RALGPS1: variants seen among roughly 807,000 people sequenced by gnomAD.
RALGPS1 encodes ras-specific guanine nucleotide-releasing factor RalGPS1.
RALGPS1 carries 19 observed loss-of-function variants against 78.8 expected under a neutral mutation model. The observed-to-expected ratio is 0.24, with a 90% CI of 0.17 to 0.35. The LOEUF is 0.35. Among genes scored for constraint, RALGPS1 ranks in the 10% least tolerant of loss-of-function variants. The pLI, the probability that RALGPS1 is intolerant of heterozygous loss-of-function variation, is 1.00. For synonymous variants in RALGPS1, 228 were observed against 256.3 expected (o/e 0.89, Z 1.06); for missense variants, 454 against 688.3 (o/e 0.66, Z 3.81).
At chr9:127,015,071 T>C (rs1276122638) in intron 4 of RALGPS1, among the ~76,000 whole-genome samples, 1 of 152,234 alleles carries the variant, frequency 6.6e-6, no homozygotes, top group Non-Finnish European at 1.5e-5. Flanking sequence ...CTTATAGTTC[T>C]CTTCCTTCCC....
intron 4 of RALGPS1, among the ~76,000 whole-genome samples, chr9:127,023,762 G>A (rs1238962339): frequency 2.0e-5 from 3 of 152,192 alleles, no homozygotes; most frequent in East Asian, 1.9e-4. Context: ...AGGGCTGGGC[G>A]CGGTGGCTCA....
intron 1 of RALGPS1, among the ~76,000 whole-genome samples, chr9:126,961,415 G>T (rs985796548): frequency 4.6e-5 from 7 of 152,186 alleles, no homozygotes; most frequent in Admixed American, 3.9e-4. Flanking sequence ...ACTATATGGG[G>T]TTAGCTATTA....
chr9:126,923,188 T>G (rs1476112321), intron 1 of RALGPS1, among the ~76,000 whole-genome samples: 1 of 152,244 alleles, frequency 6.6e-6, no homozygotes, highest in African/African-American at 2.4e-5. Context: ...ATCTCAACCC[T>G]TTACAACACT....
At position 127,212,501 on chromosome 9, in the gene RALGPS1, G is replaced by A. The variant is rs550679754; in HGVS notation, c.1354-126G>A. On this transcript the variant is annotated intron_variant, in intron 15 of 18. Transcript: ENST00000259351. The surrounding 1 kb of genome is among the most constrained non-coding windows in gnomAD (Gnocchi z 6.0). ...TGGAAGTTGGCATTGCCAGGGGGTG[G>A]TGGAGGGCCAGGGAAGAGATGGGGC... The A allele has an allele frequency of 2.1e-5, 15 of 709,616 alleles. No homozygotes were observed. The highest frequency in any genetic ancestry group is 1.8e-4 in the Admixed American group (6 of 33,462). 44.0% of individuals were successfully genotyped at this position (709,616 alleles called of 1,614,324 possible). A position where few individuals can be genotyped will look rare whatever the true frequency, so the allele number is the denominator to read the frequency against.
intron 8 of RALGPS1, chr9:127,108,042 G>A (rs2054394334): frequency 1.2e-6 from 2 of 1,610,692 alleles, no homozygotes; most frequent in African/African-American, 1.3e-5. Context: ...TGATGCGGTT[G>A]TAGGTGGGTG....
At chr9:126,916,922 T>C (rs1348543234) in intron 1 of RALGPS1, among the ~76,000 whole-genome samples, 1 of 152,202 alleles carries the variant, frequency 6.6e-6, no homozygotes, top group Non-Finnish European at 1.5e-5. Context: ...TATACCCATA[T>C]ATGTGACCTT....
At chr9:127,000,833 T>A (rs765417997) in intron 4 of RALGPS1, among the ~76,000 whole-genome samples, 1 of 151,462 alleles carries the variant, frequency 6.6e-6, no homozygotes, top group Non-Finnish European at 1.5e-5. Flanking sequence ...GGATTATAGG[T>A]GTGAGCCACC....
At chr9:127,155,078 G>A (rs963028138) in intron 8 of RALGPS1, among the ~76,000 whole-genome samples, 2 of 152,202 alleles carry the variant, frequency 1.3e-5, no homozygotes, top group African/African-American at 4.8e-5. Context: ...TTAGCTTGCG[G>A]ATACCACAGT....
intron 14 of RALGPS1, among the ~76,000 whole-genome samples, chr9:127,209,232 C>T (rs1276954244): frequency 6.6e-6 from 1 of 152,260 alleles, no homozygotes; most frequent in Non-Finnish European, 1.5e-5. Flanking sequence ...GTAGCCGTGG[C>T]CAGTTCCCCT....
intron 4 of RALGPS1, chr9:126,989,883 T>C (rs1043158197): frequency 2.6e-6 from 4 of 1,550,126 alleles, no homozygotes; most frequent in Non-Finnish European, 3.5e-6. Context: ...GGTCCTTTTC[T>C]GGTTTGCAGA....
chr9:127,210,814 A>G, intron 14 of RALGPS1: 2 of 1,508,836 alleles, frequency 1.3e-6, no homozygotes, highest in Non-Finnish European at 1.8e-6. Flanking sequence ...TGTTTGACAC[A>G]TAGCTTGTTA....
chr9:127,041,559 GC>G lies in RALGPS1; in HGVS notation c.300+7046del, dbSNP rs570746153. Among the ~76,000 whole-genome samples the G allele has an allele frequency of 1.8e-4, 28 of 152,286 alleles. No homozygotes were observed. In the South Asian group the frequency reaches 5.8e-3, roughly 32 times the overall value. On this transcript the variant is annotated intron_variant, in intron 5 of 18. Coordinates refer to ENST00000259351, the MANE Select transcript of RALGPS1 (RefSeq NM_014636.3). ...ATTCTAGTATGTGTGTAGTAATCTT[GC>G]TTTTCTCAGCTTTATCCAGACCACT... is the stretch of plus-strand genomic sequence containing the variant.
chr9:127,018,644 G>GATAATA (rs1174156839), intron 4 of RALGPS1, among the ~76,000 whole-genome samples: 2 of 95,514 alleles, frequency 2.1e-5, no homozygotes, highest in African/African-American at 4.4e-5. Context: ...AAATAATAAT[G>GATAATA]ATGATAATAA....
chr9:127,127,301 T>C (rs2056685182), intron 8 of RALGPS1, among the ~76,000 whole-genome samples: 1 of 152,246 alleles, frequency 6.6e-6, no homozygotes, highest in South Asian at 2.1e-4. Flanking sequence ...AGCAGGTCTT[T>C]TTAAATTTTT....
At position 127,212,045 on chromosome 9, in the gene RALGPS1, G is replaced by C. The variant is rs2062293349; in HGVS notation, c.1248-86G>C. 1 of 1,053,464 alleles carries C rather than the reference G, an allele frequency of 9.5e-7. No individual in the cohort carries two copies. Among genetic ancestry groups the C allele is most frequent in the East Asian group, 2.5e-5 (1 of 39,724 alleles). 65.3% of individuals were successfully genotyped at this position (1,053,464 alleles called of 1,614,324 possible). ...CTGCTGGGATGTCATGGACTTGGTA[G>C]TGGGGCACCTGTGGTCCCCAGTGAG... is the stretch of plus-strand genomic sequence containing the variant. On this transcript the variant is annotated intron_variant, in intron 14 of 18. Coordinates refer to ENST00000259351, the MANE Select transcript of RALGPS1 (RefSeq NM_014636.3). The surrounding 1 kb of genome is among the most constrained non-coding windows in gnomAD (Gnocchi z 6.0).
chr9:127,061,291 A>T (rs2049193008), intron 7 of RALGPS1, among the ~76,000 whole-genome samples: 1 of 152,254 alleles, frequency 6.6e-6, no homozygotes, highest in African/African-American at 2.4e-5. Context: ...TGTGTGCAAG[A>T]GATGCTAGAG....
chr9:127,137,454 A>T (rs1203895269), intron 8 of RALGPS1, among the ~76,000 whole-genome samples: 1 of 152,204 alleles, frequency 6.6e-6, no homozygotes, highest in African/African-American at 2.4e-5. Flanking sequence ...ACTCCCTGAG[A>T]GGGGCAGCAA....
chr9:126,933,935 G>A (rs2036032034), intron 1 of RALGPS1, among the ~76,000 whole-genome samples: 1 of 152,182 alleles, frequency 6.6e-6, no homozygotes, highest in South Asian at 2.1e-4. Context: ...TCGCTGGGTG[G>A]TGCGCGAGGC....
intron 8 of RALGPS1, among the ~76,000 whole-genome samples, chr9:127,111,211 T>C (rs2054779007): frequency 6.6e-6 from 1 of 152,166 alleles, no homozygotes; most frequent in Admixed American, 6.5e-5. Flanking sequence ...CCCTTCTTCG[T>C]TGTTTGTTCC....
Sources: allele counts gnomAD v4.1 joint callset (sites outside exome capture counted in the v4.1 genomes callset), GRCh38; gene constraint gnomAD v4.1.1; non-coding constraint Gnocchi (gnomAD v3.1); transcripts MANE v1.5; gene names NCBI Gene and HGNC (gene_info 2026-07-23, HGNC 2026-07-21).